The following MCF2 variants were observed in gnomAD, a reference collection of about 807,000 sequenced individuals.
MCF2 encodes MCF.2 cell line derived transforming sequence.
In MCF2, 44 loss-of-function variants were observed where a neutral mutation model predicts 82.5. The observed-to-expected ratio is 0.53, with a 90% CI of 0.42 to 0.69. The LOEUF (loss-of-function observed/expected upper bound fraction) is 0.69, where lower values mean the gene tolerates loss of function less well. MCF2 is among the 30% of genes least tolerant of loss of function. The pLI, the probability that MCF2 is intolerant of heterozygous loss-of-function variation, is 0.00. For synonymous variants in MCF2, 217 were observed against 224.9 expected, an observed-to-expected ratio of 0.96 and a Z score of 0.32; for missense variants, 623 against 663.1, an observed-to-expected ratio of 0.94 and a Z score of 0.66.
chrX:139,656,762 G>A (rs1278617618), intron 1 of MCF2, among the ~76,000 whole-genome samples: 1 of 111,952 alleles, frequency 8.9e-6, no homozygotes, highest in African/African-American at 3.2e-5. Flanking sequence ...ATTTCCACAC[G>A]GATTTTTTCC....
intron 1 of MCF2, among the ~76,000 whole-genome samples, chrX:139,633,933 C>T (rs1247437485): frequency 2.7e-5 from 3 of 111,230 alleles, no homozygotes; most frequent in Non-Finnish European, 5.7e-5. Context: ...AAAGGAGGTA[C>T]TAGGAGGATC....
chrX:139,666,120 C>T (rs1217840203), intron 1 of MCF2, among the ~76,000 whole-genome samples: 1 of 108,097 alleles, frequency 9.3e-6, no homozygotes, highest in Admixed American at 1.0e-4. Flanking sequence ...CAATTACATT[C>T]TTTAAGTTAT....
chrX:139,669,130 C>T (rs1025938764), intron 1 of MCF2, among the ~76,000 whole-genome samples: 7 of 111,351 alleles, frequency 6.3e-5, no homozygotes, highest in African/African-American at 2.0e-4. Context: ...ATTTGCAAAT[C>T]GTATATCTGA....
At chrX:139,633,989 T>C (rs1933058330) in intron 1 of MCF2, among the ~76,000 whole-genome samples, 1 of 111,441 alleles carries the variant, frequency 9.0e-6, no homozygotes, top group Non-Finnish European at 1.9e-5. Flanking sequence ...TAGTACAACC[T>C]TCACTGAGAT....
At chrX:139,671,927 T>C (rs1934710165) in intron 1 of MCF2, among the ~76,000 whole-genome samples, 1 of 111,963 alleles carries the variant, frequency 8.9e-6, no homozygotes, top group East Asian at 2.8e-4. Context: ...TTCGCGATAC[T>C]GATTCTTCCT....
chrX:139,609,238 CA>C (rs1931303977), intron 11 of MCF2, among the ~76,000 whole-genome samples: 1 of 112,310 alleles, frequency 8.9e-6, no homozygotes, highest in South Asian at 3.7e-4. Context: ...ACAAAAAACA[CA>C]AGAAGAAAAT....
chrX:139,620,013 GTGTGTGTGTGTGTGTA>G (rs1013504525), intron 6 of MCF2, among the ~76,000 whole-genome samples: 1 of 105,412 alleles, frequency 9.5e-6, no homozygotes, highest in Non-Finnish European at 1.9e-5. Flanking sequence ...GTGTGTGTGT[GTGTGTGTGTGTGTGTA>G]TATATATATA....
At chrX:139,689,839 T>G (rs1011844007) in intron 1 of MCF2, among the ~76,000 whole-genome samples, 2 of 110,827 alleles carry the variant, frequency 1.8e-5, no homozygotes, top group Non-Finnish European at 3.8e-5. Context: ...CCAGGGAAGA[T>G]TCTGCACACA....
chrX:139,688,263 T>C (rs1382050072), intron 1 of MCF2, among the ~76,000 whole-genome samples: 2 of 111,568 alleles, frequency 1.8e-5, no homozygotes, highest in African/African-American at 6.5e-5. Flanking sequence ...AAGGACAATC[T>C]TAACCCATCA....
chrX:139,626,644 C>T lies in MCF2; in HGVS notation c.551G>A (p.Gly184Asp), dbSNP rs201636854. The change falls in exon 5 of 25, where the codon GGT (glycine) becomes GAT (aspartate). Residue 184 changes from glycine (G) to aspartate (D), a missense_variant. Coordinates refer to ENST00000370576, the Ensembl canonical transcript of MCF2. ...TCACTTATTAATAGTTTGCCAGTCA[C>T]CACTTATTTGCCGATGACATTCTAG... 6.0e-5 allele frequency: 72 copies of T among 1,207,281 alleles called. No individual in the cohort carries two copies. The East Asian group carries it at 2.0e-3, about 34-fold the overall frequency.
At chrX:139,672,632 T>A (rs950889513) in intron 1 of MCF2, among the ~76,000 whole-genome samples, 11 of 112,323 alleles carry the variant, frequency 9.8e-5, no homozygotes, top group Non-Finnish European at 1.9e-4. Context: ...GATTTGCATA[T>A]GTTGAACCAG....
intron 1 of MCF2, among the ~76,000 whole-genome samples, chrX:139,693,458 C>G (rs868385577): frequency 1.1e-4 from 11 of 98,402 alleles, no homozygotes; most frequent in African/African-American, 4.1e-4. Context: ...TAGGCAAGTG[C>G]AAAAGGCAGA....
chrX:139,635,788 A>G (rs1933174825), intron 1 of MCF2, among the ~76,000 whole-genome samples: 3 of 111,575 alleles, frequency 2.7e-5, no homozygotes, highest in Admixed American at 1.9e-4. Flanking sequence ...CACGTGTCAC[A>G]GTGGGGGTTG....
At chrX:139,668,950 A>T (rs1007290463) in intron 1 of MCF2, among the ~76,000 whole-genome samples, 3 of 111,582 alleles carry the variant, frequency 2.7e-5, no homozygotes, top group Non-Finnish European at 3.8e-5. Flanking sequence ...ATATTAAATT[A>T]TAGAAGTAAA....
At chrX:139,608,020 T>C (rs770594932) in intron 11 of MCF2, among the ~76,000 whole-genome samples, 49 of 112,017 alleles carry the variant, frequency 4.4e-4, no homozygotes, top group Non-Finnish European at 7.7e-4. Flanking sequence ...CTTTATTTAT[T>C]TGGCATTCTT....
rs753102396 is a variant in MCF2, at chrX:139,607,841, G to A, written c.1402-62C>T. On this transcript the variant is annotated intron_variant, in intron 11 of 24. Transcript: ENST00000370576. ...TGTAGGTATAATTTTTCTTCAAGGC[G>A]ATCCAGCTCAAATTAAGTTTATTCT... 9 of 722,431 alleles carry A rather than the reference G, an allele frequency of 1.2e-5. No homozygotes were observed. The East Asian group carries it at 1.3e-4, about 11-fold the overall frequency. The allele number at this position is 722,431 out of a possible 1,213,427, so 59.5% of individuals were successfully genotyped here.
chrX:139,646,475 G>A (rs1898134135), upstream of MCF2, among the ~76,000 whole-genome samples: 1 of 111,534 alleles, frequency 9.0e-6, no homozygotes, highest in South Asian at 3.7e-4. Context: ...CTCACTCTTG[G>A]CTGGTAATAT....
chrX:139,635,216 C>T (rs1428961357), intron 1 of MCF2, among the ~76,000 whole-genome samples: 4 of 111,201 alleles, frequency 3.6e-5, no homozygotes, highest in Non-Finnish European at 5.7e-5. Context: ...TGCCAAGAGC[C>T]CTGCTGCTGG....
At chrX:139,628,189 C>T (rs1932808530) in intron 4 of MCF2, among the ~76,000 whole-genome samples, 1 of 111,602 alleles carries the variant, frequency 9.0e-6, no homozygotes, top group Non-Finnish European at 1.9e-5. Flanking sequence ...GTCATTGCAG[C>T]ACTATTCACA....
Sources: allele counts gnomAD v4.1 joint callset (sites outside exome capture counted in the v4.1 genomes callset), GRCh38; gene constraint gnomAD v4.1.1; transcripts MANE v1.5; gene names NCBI Gene and HGNC (gene_info 2026-07-23, HGNC 2026-07-21).